The following DOCK4 variants were observed in gnomAD, a reference collection of about 807,000 sequenced individuals.
The protein encoded by DOCK4 is dedicator of cytokinesis protein 4.
Under a neutral mutation model 268.1 loss-of-function variants are expected in DOCK4, and 97 were observed. The observed-to-expected ratio is 0.36, with a 90% CI of 0.31 to 0.43. DOCK4 has a LOEUF of 0.43. Ranked by LOEUF, DOCK4 falls within the 20% of genes least tolerant of loss-of-function variation. DOCK4 has a pLI of 1.00. For synonymous variants in DOCK4, 954 were observed against 887.2 expected (o/e 1.08, Z -1.34); for missense variants, 2,145 against 2,455.7 (o/e 0.87, Z 2.67).
At chr7:112,085,704 CAT>C (rs1809018843) in intron 1 of DOCK4, among the ~76,000 whole-genome samples, 1 of 152,084 alleles carries the variant, frequency 6.6e-6, no homozygotes, top group African/African-American at 2.4e-5. Flanking sequence ...TGACAGTGAT[CAT>C]CAATGGATGC....
chr7:112,164,851 G>A (rs888164530), intron 1 of DOCK4, among the ~76,000 whole-genome samples: 13 of 152,146 alleles, frequency 8.5e-5, no homozygotes, highest in African/African-American at 3.1e-4. Context: ...TGCTCCATTT[G>A]AGCTCCACTA....
intron 1 of DOCK4, among the ~76,000 whole-genome samples, chr7:112,031,830 G>A (rs1803303372): frequency 6.6e-6 from 1 of 152,072 alleles, no homozygotes; most frequent in Non-Finnish European, 1.5e-5. Flanking sequence ...ACAGTGAGGT[G>A]AACATGTCAA....
chr7:112,042,001 T>G (rs1563024275), intron 1 of DOCK4, among the ~76,000 whole-genome samples: 1 of 152,176 alleles, frequency 6.6e-6, no homozygotes, highest in East Asian at 1.9e-4. Flanking sequence ...GGCACACGCG[T>G]GTAGTCCTAG....
intron 4 of DOCK4, among the ~76,000 whole-genome samples, chr7:111,995,836 T>C (rs1445167220): frequency 6.6e-6 from 1 of 152,212 alleles, no homozygotes; most frequent in Non-Finnish European, 1.5e-5. Context: ...AATATTTTCC[T>C]TCTTTCTAGA....
At chr7:111,990,363 C>T (rs962407336) in intron 5 of DOCK4, among the ~76,000 whole-genome samples, 6 of 152,140 alleles carry the variant, frequency 3.9e-5, no homozygotes, top group African/African-American at 1.4e-4. Flanking sequence ...CTTTTACTTT[C>T]TACAAAAATT....
At chr7:111,975,652 G>A (rs1798103565) in intron 8 of DOCK4, among the ~76,000 whole-genome samples, 2 of 151,980 alleles carry the variant, frequency 1.3e-5, no homozygotes, top group Non-Finnish European at 2.9e-5. Context: ...CATAAATTTT[G>A]TCCCTGGTGC....
chr7:111,831,477 TCTTTC>T (rs1268040025), intron 26 of DOCK4, among the ~76,000 whole-genome samples: 7 of 146,914 alleles, frequency 4.8e-5, no homozygotes, highest in African/African-American at 1.8e-4. Context: ...TTCTTTCTTT[TCTTTC>T]CTTTTTCTTT....
intron 51 of DOCK4, among the ~76,000 whole-genome samples, chr7:111,732,905 G>A (rs796372322): frequency 1.3e-5 from 2 of 152,280 alleles, no homozygotes; most frequent in African/African-American, 4.8e-5. Context: ...TTTCATCATC[G>A]TGGCCAAGAA....
intron 1 of DOCK4, among the ~76,000 whole-genome samples, chr7:112,052,284 G>A (rs908975715): frequency 3.3e-5 from 5 of 152,006 alleles, no homozygotes; most frequent in Admixed American, 3.3e-4. Flanking sequence ...ATGTGTGTGT[G>A]TATATACATA....
At chr7:111,777,281 A>G (rs967039695) in intron 36 of DOCK4, among the ~76,000 whole-genome samples, 3 of 152,206 alleles carry the variant, frequency 2.0e-5, no homozygotes, top group Non-Finnish European at 4.4e-5. Context: ...AAATAAAGAC[A>G]TTCTTAGATG....
chr7:111,878,401 G>A (rs2134272768), intron 16 of DOCK4, among the ~76,000 whole-genome samples: 1 of 152,248 alleles, frequency 6.6e-6, no homozygotes, highest in South Asian at 2.1e-4. Context: ...TGGAATAGAA[G>A]CCTACACTGC....
In DOCK4 at chr7:111,846,987, G is replaced by T; in HGVS notation, c.2601+12C>A. The T allele has an allele frequency of 6.2e-7, 1 of 1,613,220 alleles. No homozygotes were observed. On this transcript the variant is annotated intron_variant, in intron 24 of 52. Coordinates refer to ENST00000428084, the MANE Select transcript of DOCK4 (RefSeq NM_001363540.2). ...TGAAGGGAGCTATATACTATGACCTGTATTTACTTACTGAGCTATTTTTCT... is the reference window on the plus strand; with the variant it reads ...TGAAGGGAGCTATATACTATGACCTTTATTTACTTACTGAGCTATTTTTCT...
chr7:111,774,632 G>T (rs566063289), intron 36 of DOCK4, among the ~76,000 whole-genome samples: 1 of 152,230 alleles, frequency 6.6e-6, no homozygotes, highest in South Asian at 2.1e-4. Flanking sequence ...GAGGGTGAAG[G>T]AGCTGATCCT....
intron 6 of DOCK4, among the ~76,000 whole-genome samples, chr7:111,985,281 C>T (rs971849104): frequency 4.6e-5 from 7 of 152,106 alleles, no homozygotes; most frequent in African/African-American, 1.7e-4. Context: ...CTGTGTAATG[C>T]CCTATCGATC....
In DOCK4 at chr7:111,758,703, T is replaced by A; in HGVS notation, c.4250A>T (p.Tyr1417Phe). The A allele has an allele frequency of 1.2e-6, 2 of 1,614,028 alleles. No homozygotes were observed. Among genetic ancestry groups the A allele is most frequent in the Non-Finnish European group, 1.7e-6 (2 of 1,179,894 alleles). Residue 1417 changes from tyrosine (Y) to phenylalanine (F), a missense_variant, in exon 41 of 53, where the codon TAT (tyrosine) becomes TTT (phenylalanine). Around this residue, in one of 2 missense-constraint regions of DOCK4, gnomAD observed 1,598 missense variants for 1,986.7 expected, o/e 0.80. Coordinates refer to ENST00000428084, the MANE Select transcript of DOCK4 (RefSeq NM_001363540.2). ...GAATTTCCAGATGTGATTCACTTTATAGAAGCTTTTGATGTTGTCCGGAAC... is the reference window on the plus strand; with the variant it reads ...GAATTTCCAGATGTGATTCACTTTAAAGAAGCTTTTGATGTTGTCCGGAAC... Reference protein sequence around the residue: ...EGVPDNIKSFYKVNHIWKFRY... With the variant: ...EGVPDNIKSFFKVNHIWKFRY...
At chr7:112,116,434 T>C (rs1255579398) in intron 1 of DOCK4, among the ~76,000 whole-genome samples, 1 of 152,176 alleles carries the variant, frequency 6.6e-6, no homozygotes, top group African/African-American at 2.4e-5. Context: ...ATACATAGTT[T>C]TACTAAAAAA....
chr7:112,162,142 A>T (rs73192986), intron 1 of DOCK4, among the ~76,000 whole-genome samples: 1 of 152,340 alleles, frequency 6.6e-6, no homozygotes, highest in Non-Finnish European at 1.5e-5. Context: ...AAGTAATTCC[A>T]AATAGCGTGA....
chr7:111,896,264 G>A (rs764179182), intron 15 of DOCK4, among the ~76,000 whole-genome samples: 11 of 152,096 alleles, frequency 7.2e-5, no homozygotes, highest in Admixed American at 2.6e-4. Flanking sequence ...AGTTAGGCAC[G>A]TTGAAAGACA....
At chr7:111,999,611 T>C (rs963417374) in intron 3 of DOCK4, among the ~76,000 whole-genome samples, 2 of 152,068 alleles carry the variant, frequency 1.3e-5, no homozygotes, top group African/African-American at 2.4e-5. Flanking sequence ...TAAATTTATA[T>C]ACTCTTTTGT....
Sources: allele counts gnomAD v4.1 joint callset (sites outside exome capture counted in the v4.1 genomes callset), GRCh38; gene constraint gnomAD v4.1.1; regional missense constraint gnomAD v4.1.1; transcripts MANE v1.5; gene names NCBI Gene and HGNC (gene_info 2026-07-23, HGNC 2026-07-21).